SMARCA2: variants seen among roughly 807,000 people sequenced by gnomAD.
SMARCA2 encodes SWI/SNF-related matrix-associated actin-dependent regulator of chromatin subfamily A member 2.
In SMARCA2, 61 loss-of-function variants were observed where a neutral mutation model predicts 199.8. The ratio of observed to expected loss-of-function variants is 0.31; its 90% CI spans 0.25 to 0.38. The LOEUF is 0.38. Ranked by LOEUF, SMARCA2 falls within the 10% of genes least tolerant of loss-of-function variation. The pLI, the probability that SMARCA2 is intolerant of heterozygous loss-of-function variation, is 1.00. For synonymous variants in SMARCA2, 935 were observed against 732.0 expected (o/e 1.28, Z -4.48); for missense variants, 1,344 against 2,012.2 (o/e 0.67, Z 6.35).
In SMARCA2 at chr9:2,119,951, C is replaced by A. The variant is rs928139514; in HGVS notation, c.3762+416C>A. On this transcript the variant is annotated intron_variant, in intron 26 of 33. Transcript: ENST00000349721. This position sits in a 1 kb window ranked among gnomAD's most constrained non-coding sequence, Gnocchi z 4.6. Reference sequence around the variant, plus strand: ...TCCCAGGCCAGTGTCATTCAGGAAGCCTACCTGGCTCCTATAGGCATTGGA... The same window carrying A: ...TCCCAGGCCAGTGTCATTCAGGAAGACTACCTGGCTCCTATAGGCATTGGA... Among the ~76,000 whole-genome samples the A allele has an allele frequency of 6.6e-6, 1 of 152,216 alleles. No homozygotes were observed. Among genetic ancestry groups the A allele is most frequent in the Non-Finnish European group, 1.5e-5 (1 of 68,044 alleles).
At chr9:2,087,259 C>G (rs897071349) in intron 18 of SMARCA2, 188 bp downstream of exon 18, 1 of 654,740 alleles carries the variant, frequency 1.5e-6, no homozygotes, top group Non-Finnish European at 2.6e-6. Flanking sequence ...GAAAATGGAT[C>G]TAGTGGTACA....
chr9:2,096,668 G>A lies in SMARCA2; in HGVS notation c.2895G>A (p.Val965=), dbSNP rs774327721. ...ESQLPEKVEY[V]IKCDMSALQK... ...TCTCTTTTCTGCAGGTGGAATATGT[G>A]ATCAAGTGTGACATGTCAGCTCTGC... is the stretch of plus-strand genomic sequence containing the variant. Residue 965 remains valine (V), a synonymous_variant, in exon 20 of 34, where the codon GTG becomes GTA. Coordinates refer to ENST00000349721, the MANE Select transcript of SMARCA2 (RefSeq NM_003070.5). The A allele has an allele frequency of 6.2e-7, 1 of 1,612,200 alleles. No homozygotes were observed. Among genetic ancestry groups the A allele is most frequent in the Admixed American group, 1.7e-5 (1 of 60,016 alleles).
At chr9:2,118,723 A>C (rs559707944) in intron 25 of SMARCA2, among the ~76,000 whole-genome samples, 1 of 152,368 alleles carries the variant, frequency 6.6e-6, no homozygotes, top group East Asian at 1.9e-4. Context: ...TTTCTGAGGA[A>C]TTAGCAGAGA....
intron 23 of SMARCA2, among the ~76,000 whole-genome samples, chr9:2,107,008 C>T (rs765292581): frequency 4.9e-4 from 75 of 152,156 alleles, no homozygotes; most frequent in East Asian, 1.9e-4. Flanking sequence ...GTATTGAGCA[C>T]GTTAAATCTT....
At chr9:2,113,731 T>C (rs567736134) in intron 24 of SMARCA2, among the ~76,000 whole-genome samples, 6 of 152,308 alleles carry the variant, frequency 3.9e-5, no homozygotes, top group African/African-American at 1.4e-4. Flanking sequence ...CTGACCGTGT[T>C]CCTATGTTGT....
In SMARCA2 at chr9:2,097,400, A is replaced by C. The variant is rs1822317121; in HGVS notation, c.3007A>C (p.Lys1003Gln). Residue 1003 changes from lysine to glutamine, a missense_variant, in exon 21 of 34, where the codon AAG (lysine) becomes CAG (glutamine). Transcript: ENST00000349721. ...TGGTTCTTAGGGGAAAGGAGGTGCT[A>C]AGACACTTATGAACACTATTATGCA... ...EKDKKGKGGA[K>Q]TLMNTIMQLR... The C allele has an allele frequency of 6.2e-7, 1 of 1,609,108 alleles. No homozygotes were observed. Among genetic ancestry groups the C allele is most frequent in the Non-Finnish European group, 8.5e-7 (1 of 1,176,230 alleles).
chr9:2,084,320 A>AT (rs1406405091), intron 17 of SMARCA2, 124 bp downstream of exon 17: 14 of 561,144 alleles, frequency 2.5e-5, no homozygotes, highest in Non-Finnish European at 3.7e-5. Context: ...TTTTTCTAAA[A>AT]TTTTTTCAGA....
In SMARCA2 at chr9:2,036,675, G is replaced by C. The variant is rs142307954; in HGVS notation, c.356-2791G>C. 9.9e-4 allele frequency among the ~76,000 whole-genome samples: 151 copies of C among 152,242 alleles called. 1 individual carries two copies. Among genetic ancestry groups the C allele is most frequent in the Non-Finnish European group, 1.6e-3 (112 of 67,992 alleles). On this transcript the variant is annotated intron_variant, in intron 3 of 33. Coordinates refer to ENST00000349721, the MANE Select transcript of SMARCA2 (RefSeq NM_003070.5). ...CTTTCATTTTCTTCTGATCAAATTT[G>C]AGGTAAAATTTTGTTGTATTGACTA... is the stretch of plus-strand genomic sequence containing the variant.
At position 2,115,889 on chromosome 9, in the gene SMARCA2, G is replaced by A. The variant is rs765281364; in HGVS notation, c.3524G>A (p.Cys1175Tyr). 6.2e-7 allele frequency: 1 copy of A among 1,614,098 alleles called. No individual in the cohort carries two copies. The change falls in exon 25 of 34, where the codon TGT becomes TAT. Residue 1175 changes from cysteine to tyrosine, a missense_variant. Cys to Tyr is a radical substitution (Grantham distance 194, BLOSUM62 -2). This residue lies in a region of SMARCA2 where 36 missense variants were observed against 172.5 expected (regional missense o/e 0.21). Transcript: ENST00000349721. This position sits in a 1 kb window ranked among gnomAD's most constrained non-coding sequence, Gnocchi z 6.0. ...QQNEVRVLRL[C>Y]TVNSVEEKIL... The stretch of plus-strand genomic sequence containing the variant: ...AACGAGGTCCGGGTACTGAGGCTCT[G>A]TACCGTGAACAGCGTGGAGGAAAAG...
intron 26 of SMARCA2, among the ~76,000 whole-genome samples, chr9:2,120,967 C>G (rs1415445749): frequency 3.3e-5 from 5 of 152,150 alleles, no homozygotes; most frequent in African/African-American, 1.2e-4. Context: ...ATAGACATCC[C>G]CTCTGTCCTT....
At chr9:2,035,298 C>G (rs1819278856) in intron 3 of SMARCA2, among the ~76,000 whole-genome samples, 1 of 152,132 alleles carries the variant, frequency 6.6e-6, no homozygotes. Flanking sequence ...CCTCCTCAGC[C>G]TCCCACAGTG....
intron 32 of SMARCA2, among the ~76,000 whole-genome samples, chr9:2,187,221 T>G (rs956471193): frequency 1.1e-4 from 15 of 135,664 alleles, no homozygotes; most frequent in African/African-American, 3.5e-4. Flanking sequence ...ATTTGGGTTT[T>G]TAAAATATTT....
At chr9:2,133,101 C>G (rs1180638967) in intron 27 of SMARCA2, among the ~76,000 whole-genome samples, 1 of 152,186 alleles carries the variant, frequency 6.6e-6, no homozygotes, top group Non-Finnish European at 1.5e-5. Context: ...AAATCAAACT[C>G]ACTCATCGAA....
chr9:2,074,684 T>C (rs768971309), intron 12 of SMARCA2, among the ~76,000 whole-genome samples: 1 of 152,106 alleles, frequency 6.6e-6, no homozygotes, highest in Non-Finnish European at 1.5e-5. Flanking sequence ...CTGGGCAACA[T>C]GGTGAAACCC....
chr9:2,189,316 A>G (rs1270363483), intron 32 of SMARCA2, among the ~76,000 whole-genome samples: 1 of 152,144 alleles, frequency 6.6e-6, no homozygotes, highest in African/African-American at 2.4e-5. Context: ...GCTTGTCCAT[A>G]GTCTGTCAGG....
In SMARCA2 at chr9:2,176,953, A is replaced by G. The variant is rs528591001; in HGVS notation, c.4254-4618A>G. Among the ~76,000 whole-genome samples the G allele has an allele frequency of 1.4e-4, 22 of 152,266 alleles. 1 individual carries two copies. In the South Asian group the frequency reaches 4.4e-3, roughly 30 times the overall value. On this transcript the variant is annotated intron_variant, in intron 29 of 33. Transcript: ENST00000349721. ...TCTTGCTTCAAGGGTCTAGGTGATG[A>G]TATTTCCAAACTTGTTAGGAATTAT...
At position 2,170,523 on chromosome 9, in the gene SMARCA2, T is replaced by C. The variant is rs1212486133; in HGVS notation, c.4253+51T>C. On this transcript the variant is annotated intron_variant, in intron 29 of 33. Coordinates refer to ENST00000349721, the MANE Select transcript of SMARCA2 (RefSeq NM_003070.5). This position sits in a 1 kb window ranked among gnomAD's most constrained non-coding sequence, Gnocchi z 4.7. ...ATCTCTAAATACAGGTATCCCTCGT[T>C]ACGTGAAACAGATTGAATCATATAA... The C allele has an allele frequency of 2.5e-6, 4 of 1,613,206 alleles. No individual in the cohort carries two copies. The highest frequency in any genetic ancestry group is 2.2e-5 in the East Asian group (1 of 44,874).
At chr9:2,095,478 T>C (rs1822238198) in intron 19 of SMARCA2, among the ~76,000 whole-genome samples, 1 of 152,170 alleles carries the variant, frequency 6.6e-6, no homozygotes, top group South Asian at 2.1e-4. Context: ...ATTAAATGCA[T>C]ACTTATTGAT....
At chr9:2,117,023 T>C (rs1823242815) in intron 25 of SMARCA2, among the ~76,000 whole-genome samples, 1 of 152,234 alleles carries the variant, frequency 6.6e-6, no homozygotes, top group African/African-American at 2.4e-5. Context: ...CAAATACTCC[T>C]CAACTTACAA....
Sources: allele counts gnomAD v4.1 joint callset (sites outside exome capture counted in the v4.1 genomes callset), GRCh38; gene constraint gnomAD v4.1.1; regional missense constraint gnomAD v4.1.1; non-coding constraint Gnocchi (gnomAD v3.1); transcripts MANE v1.5; gene names NCBI Gene and HGNC (gene_info 2026-07-23, HGNC 2026-07-21).